Variants in DOCK5 observed in about 807,000 individuals in gnomAD.
DOCK5 encodes dedicator of cytokinesis protein 5.
In DOCK5, 142 loss-of-function variants were observed where a neutral mutation model predicts 251.8. The observed-to-expected ratio is 0.56, with a 90% CI of 0.49 to 0.65. DOCK5 has a LOEUF of 0.65. Ranked by LOEUF, DOCK5 falls within the 30% of genes least tolerant of loss-of-function variation. The pLI, the probability that DOCK5 is intolerant of heterozygous loss-of-function variation, is 0.00. For synonymous variants in DOCK5, 842 were observed against 835.5 expected, an observed-to-expected ratio of 1.01 and a Z score of -0.13; for missense variants, 2,111 against 2,312.3, an observed-to-expected ratio of 0.91 and a Z score of 1.79.
Position 25,388,298 on chromosome 8 carries a change from G to A in DOCK5, c.4132-793G>A, listed in dbSNP as rs572990784. On this transcript the variant is annotated intron_variant, in intron 40 of 51. Coordinates refer to ENST00000276440, the MANE Select transcript of DOCK5 (RefSeq NM_024940.8). ...TGAAAGACATTTTACAAGACAACCT[G>A]GGCCCAAGTGTTGCTTAAAAAGGAA... 3.3e-5 allele frequency among the ~76,000 whole-genome samples: 5 copies of A among 152,210 alleles called. 1 individual carries two copies. In the South Asian group the frequency reaches 1.0e-3, roughly 32 times the overall value.
chr8:25,338,514 A>G (rs1805870437), intron 22 of DOCK5, among the ~76,000 whole-genome samples: 1 of 151,990 alleles, frequency 6.6e-6, no homozygotes, highest in Admixed American at 6.5e-5. Context: ...TTGTTTTTAA[A>G]AAATGTTTAA....
At chr8:25,243,464 G>A (rs1803010280) in intron 1 of DOCK5, among the ~76,000 whole-genome samples, 1 of 151,718 alleles carries the variant, frequency 6.6e-6, no homozygotes, top group Non-Finnish European at 1.5e-5. Flanking sequence ...CCAAGTAGCT[G>A]AGATTACATG....
intron 1 of DOCK5, among the ~76,000 whole-genome samples, chr8:25,186,293 C>T: frequency 6.7e-6 from 1 of 149,522 alleles, no homozygotes; most frequent in South Asian, 2.1e-4. Context: ...GAATCTTAGT[C>T]TCTCCCTTAG....
intron 37 of DOCK5, chr8:25,375,823 C>T (rs1176213667): frequency 2.0e-6 from 2 of 984,748 alleles, no homozygotes; most frequent in Non-Finnish European, 2.4e-6. Flanking sequence ...ATGGACTGGG[C>T]CTGGTGGCTC....
chr8:25,278,697 G>A (rs759858913), intron 5 of DOCK5, 32 bp downstream of exon 5: 4 of 1,596,114 alleles, frequency 2.5e-6, no homozygotes, highest in Non-Finnish European at 3.4e-6. Context: ...GGAGCCCCAG[G>A]GTCACTCTGG....
chr8:25,303,041 TA>T (rs1249271970), intron 10 of DOCK5, among the ~76,000 whole-genome samples: 1 of 152,232 alleles, frequency 6.6e-6, no homozygotes, highest in Non-Finnish European at 1.5e-5. Context: ...CGGAATACTT[TA>T]AAATGGGCAA....
chr8:25,233,897 C>T (rs1802731904), intron 1 of DOCK5, among the ~76,000 whole-genome samples: 1 of 152,150 alleles, frequency 6.6e-6, no homozygotes, highest in Admixed American at 6.5e-5. Context: ...ACACACACAC[C>T]TATGTACACA....
At chr8:25,369,534 G>A in intron 33 of DOCK5, 22 bp from the exon 34 acceptor site, 1 of 1,592,418 alleles carries the variant, frequency 6.3e-7, no homozygotes, top group Non-Finnish European at 8.6e-7. Flanking sequence ...ATTATCCTGT[G>A]AAATTCTGCC....
chr8:25,368,491 A>G, intron 32 of DOCK5, 80 bp from the exon 33 acceptor site: 1 of 1,476,732 alleles, frequency 6.8e-7, no homozygotes, highest in South Asian at 1.4e-5. Context: ...TTCTTTTCTT[A>G]TGGAACTTGT....
At chr8:25,379,845 C>T (rs576450720) in intron 38 of DOCK5, among the ~76,000 whole-genome samples, 28 of 36,118 alleles carry the variant, frequency 7.8e-4, no homozygotes, top group African/African-American at 2.4e-3. Flanking sequence ...AACATCACTA[C>T]ACCTACACAC....
At chr8:25,396,172 G>A (rs1801342385) in intron 45 of DOCK5, among the ~76,000 whole-genome samples, 1 of 152,126 alleles carries the variant, frequency 6.6e-6, no homozygotes, top group African/African-American at 2.4e-5. Context: ...TTGAGGTCAG[G>A]AGCGCGAGAC....
intron 45 of DOCK5, among the ~76,000 whole-genome samples, chr8:25,398,517 G>A (rs768519496): frequency 7.9e-5 from 12 of 152,148 alleles, no homozygotes; most frequent in South Asian, 2.1e-4. Flanking sequence ...ACTGTTGCAC[G>A]AGCAAGAAGT....
chr8:25,186,386 C>CGGACTG (rs758733096), intron 1 of DOCK5, among the ~76,000 whole-genome samples: 248 of 139,614 alleles, frequency 1.8e-3, no homozygotes, highest in Non-Finnish European at 2.9e-3. Flanking sequence ...GTTTTTGAGA[C>CGGACTG]GGACTGACGA....
chr8:25,292,211 C>G (rs368874750), intron 6 of DOCK5, 39 bp downstream of exon 6: 3 of 1,518,214 alleles, frequency 2.0e-6, no homozygotes, highest in Non-Finnish European at 1.8e-6. Context: ...GAAAACTTGG[C>G]GAACAGTGGG....
chr8:25,389,340 C>A, intron 41 of DOCK5, 108 bp downstream of exon 41: 1 of 1,376,490 alleles, frequency 7.3e-7, no homozygotes, highest in Non-Finnish European at 9.8e-7. Flanking sequence ...GACACACCAT[C>A]TTCTCAAGCA....
intron 1 of DOCK5, among the ~76,000 whole-genome samples, chr8:25,206,284 G>A (rs940092269): frequency 1.3e-5 from 2 of 152,184 alleles, no homozygotes; most frequent in African/African-American, 4.8e-5. Context: ...ATTATGGGGA[G>A]ACTTGTTTAC....
intron 20 of DOCK5, among the ~76,000 whole-genome samples, chr8:25,333,818 C>T (rs2320890): frequency 0.083 from 12,574 of 152,160 alleles, 565 homozygotes; most frequent in South Asian, 0.2. Flanking sequence ...GCATCGACTC[C>T]CCTGTCTTTG....
At chr8:25,368,015 G>A (rs949938310) in intron 31 of DOCK5, among the ~76,000 whole-genome samples, 177 bp from the exon 32 acceptor site, 17 of 152,050 alleles carry the variant, frequency 1.1e-4, no homozygotes, top group Admixed American at 2.6e-4. Flanking sequence ...AAGGTCCCCC[G>A]GCCTCTGTGC....
chr8:25,383,674 C>G (rs570954326), intron 40 of DOCK5, among the ~76,000 whole-genome samples: 2 of 152,234 alleles, frequency 1.3e-5, no homozygotes, highest in South Asian at 2.1e-4. Flanking sequence ...GGCCAACATG[C>G]TGAAACGCTG....
Sources: gnomAD v4.1 joint callset for allele counts (sites outside exome capture counted in the v4.1 genomes callset) on GRCh38, gnomAD v4.1.1 for gene constraint, MANE v1.5 for transcripts, NCBI Gene and HGNC (gene_info 2026-07-23, HGNC 2026-07-21) for gene names.